Variants in ARHGAP15 observed in about 807,000 individuals in gnomAD.
ARHGAP15 encodes Rho GTPase activating protein 15.
In ARHGAP15, 51 loss-of-function variants were observed where a neutral mutation model predicts 63.7. That is an observed-to-expected ratio of 0.80 (90% confidence interval 0.64 to 1.01). ARHGAP15 has a LOEUF of 1.01. ARHGAP15 is among the 50% of genes least tolerant of loss of function. The pLI, the probability that ARHGAP15 is intolerant of heterozygous loss-of-function variation, is 0.00. For missense variants in ARHGAP15, 560 were observed against 564.6 expected, an observed-to-expected ratio of 0.99 and a Z score of 0.08; for synonymous variants, 191 against 193.8, an observed-to-expected ratio of 0.99 and a Z score of 0.12.
At chr2:143,337,454 A>G (rs1198244365) in intron 6 of ARHGAP15, among the ~76,000 whole-genome samples, 2 of 152,168 alleles carry the variant, frequency 1.3e-5, no homozygotes, top group Non-Finnish European at 2.9e-5. Flanking sequence ...CAAATTTTGC[A>G]TTACGTTCTG....
At chr2:143,374,997 C>T (rs1686740067) in intron 6 of ARHGAP15, among the ~76,000 whole-genome samples, 1 of 151,924 alleles carries the variant, frequency 6.6e-6, no homozygotes. Flanking sequence ...GGTGAATCAA[C>T]AGTGGGATCC....
rs145241471 is a variant in ARHGAP15 at position 143,160,893 on chromosome 2, GCTAGGGCT to G, written c.165+5241_165+5248del. Among the ~76,000 whole-genome samples the G allele has an allele frequency of 9.2e-3, 1,405 of 152,084 alleles. 18 individuals carry two copies. Among genetic ancestry groups the G allele is most frequent in the African/African-American group, 0.032 (1,317 of 41,520 alleles). On this transcript the variant is annotated intron_variant, in intron 2 of 13. Transcript: ENST00000295095. ...GAAGAGTCCATACTTCAAAGAAAGA[GCTAGGGCT>G]CTCACAACCACATATGTGGCTGCAC...
intron 6 of ARHGAP15, among the ~76,000 whole-genome samples, chr2:143,321,805 C>T (rs990626172): frequency 2.0e-5 from 3 of 152,190 alleles, no homozygotes; most frequent in Admixed American, 6.5e-5. Flanking sequence ...CAAGCCACCT[C>T]CCACCTCAGC....
chr2:143,403,172 A>T lies in ARHGAP15; in HGVS notation c.475-32429A>T, dbSNP rs1051516209. Among the ~76,000 whole-genome samples the T allele has an allele frequency of 2.6e-5, 4 of 151,834 alleles. No individual in the cohort carries two copies. In the East Asian group the frequency reaches 7.7e-4, roughly 29 times the overall value. ...CTAGTTTATATCATTTTCAAACCAT[A>T]TTTTTCCACCAAAATTGTAATTATT... On this transcript the variant is annotated intron_variant, in intron 6 of 13. Transcript: ENST00000295095.
At chr2:143,429,259 G>T (rs1379485155) in intron 6 of ARHGAP15, among the ~76,000 whole-genome samples, 2 of 149,964 alleles carry the variant, frequency 1.3e-5, no homozygotes, top group Non-Finnish European at 3.0e-5. Context: ...TAAATTTTGG[G>T]TTTAGATATT....
chr2:143,235,981 A>G (rs574161950), intron 5 of ARHGAP15: 3 of 1,544,566 alleles, frequency 1.9e-6, no homozygotes, highest in East Asian at 4.9e-5. Flanking sequence ...GCACCTGACC[A>G]TGTTCATGGG....
At chr2:143,539,640 C>T (rs1694950870) in intron 10 of ARHGAP15, among the ~76,000 whole-genome samples, 1 of 152,112 alleles carries the variant, frequency 6.6e-6, no homozygotes, top group South Asian at 2.1e-4. Context: ...ATTAGGTACC[C>T]AGTAGTCATT....
chr2:143,444,244 ACT>A (rs937120779), intron 8 of ARHGAP15, among the ~76,000 whole-genome samples: 2 of 152,132 alleles, frequency 1.3e-5, no homozygotes, highest in Non-Finnish European at 2.9e-5. Context: ...CTTTGCTCTA[ACT>A]CTCAAGCAAT....
intron 6 of ARHGAP15, among the ~76,000 whole-genome samples, chr2:143,320,897 A>G (rs903037952): frequency 1.3e-5 from 2 of 152,148 alleles, no homozygotes; most frequent in African/African-American, 4.8e-5. Context: ...TCAGGTAACA[A>G]CAGATGTACC....
At chr2:143,693,961 C>G (rs1683728527) in intron 12 of ARHGAP15, among the ~76,000 whole-genome samples, 1 of 152,056 alleles carries the variant, frequency 6.6e-6, no homozygotes, top group African/African-American at 2.4e-5. Flanking sequence ...TTGACAAGGT[C>G]AAGAACAGAG....
intron 6 of ARHGAP15, among the ~76,000 whole-genome samples, chr2:143,409,030 T>C (rs954936899): frequency 6.6e-6 from 1 of 152,032 alleles, no homozygotes; most frequent in East Asian, 1.9e-4. Context: ...GATAATGACA[T>C]TGTTTAATTA....
chr2:143,143,391 G>A (rs1026926015), intron 1 of ARHGAP15, among the ~76,000 whole-genome samples: 1 of 150,916 alleles, frequency 6.6e-6, no homozygotes, highest in African/African-American at 2.4e-5. Flanking sequence ...TCAAAGAAAA[G>A]GATTGAAAAA....
At chr2:143,523,211 G>A (rs1694129854) in intron 10 of ARHGAP15, among the ~76,000 whole-genome samples, 1 of 152,052 alleles carries the variant, frequency 6.6e-6, no homozygotes, top group Non-Finnish European at 1.5e-5. Context: ...ATAATACAGA[G>A]GAGATAGACA....
chr2:143,379,295 A>G (rs1234044012), intron 6 of ARHGAP15, among the ~76,000 whole-genome samples: 3 of 151,978 alleles, frequency 2.0e-5, no homozygotes, highest in Non-Finnish European at 4.4e-5. Context: ...GCTTGAATTC[A>G]TAGTAAAATG....
intron 6 of ARHGAP15, among the ~76,000 whole-genome samples, chr2:143,321,801 A>C (rs1003605470): frequency 2.0e-5 from 3 of 152,068 alleles, no homozygotes; most frequent in Non-Finnish European, 4.4e-5. Flanking sequence ...GGCTCAAGCC[A>C]CCTCCCACCT....
chr2:143,487,525 C>A, intron 9 of ARHGAP15, 30 bp downstream of exon 9: 1 of 1,597,492 alleles, frequency 6.3e-7, no homozygotes, highest in Non-Finnish European at 8.5e-7. Flanking sequence ...TGTACTATAA[C>A]TGTGATAAAT....
At chr2:143,188,942 GA>G (rs1394491668) in intron 2 of ARHGAP15, among the ~76,000 whole-genome samples, 11 of 151,464 alleles carry the variant, frequency 7.3e-5, no homozygotes, top group African/African-American at 2.7e-4. Flanking sequence ...TATTTCTAAC[GA>G]TTTTTTTTTT....
chr2:143,256,103 C>T (rs1680411514), intron 6 of ARHGAP15, among the ~76,000 whole-genome samples: 1 of 152,130 alleles, frequency 6.6e-6, no homozygotes, highest in South Asian at 2.1e-4. Context: ...TGACAGTCCT[C>T]ACCTCACCTG....
At chr2:143,451,083 G>A (rs1014236588) in intron 8 of ARHGAP15, among the ~76,000 whole-genome samples, 1 of 151,822 alleles carries the variant, frequency 6.6e-6, no homozygotes, top group Non-Finnish European at 1.5e-5. Flanking sequence ...AGGTATAAAA[G>A]ACCTGGATAA....
Sources: allele counts gnomAD v4.1 joint callset (sites outside exome capture counted in the v4.1 genomes callset), GRCh38; gene constraint gnomAD v4.1.1; transcripts MANE v1.5; gene names NCBI Gene and HGNC (gene_info 2026-07-23, HGNC 2026-07-21).